The following IQCM variants were observed in gnomAD, a reference collection of about 807,000 sequenced individuals.
The protein encoded by IQCM is IQ domain-containing protein M.
A neutral mutation model predicts 57.6 loss-of-function variants in IQCM; 45 were observed. The observed-to-expected ratio is 0.78, with a 90% CI of 0.62 to 1.00. The LOEUF (loss-of-function observed/expected upper bound fraction) is 1.00, where lower values mean the gene tolerates loss of function less well. IQCM is among the 50% of genes least tolerant of loss of function. The pLI, the probability that IQCM is intolerant of heterozygous loss-of-function variation, is 0.00. For missense variants in IQCM, 468 were observed against 511.6 expected (o/e 0.91, Z 0.82); for synonymous variants, 148 against 158.9 (o/e 0.93, Z 0.51).
At chr4:149,454,654 C>G (rs1737491054) in intron 12 of IQCM, among the ~76,000 whole-genome samples, 1 of 151,990 alleles carries the variant, frequency 6.6e-6, no homozygotes, top group South Asian at 2.1e-4. Flanking sequence ...CATCCATACA[C>G]TGGAATATTA....
chr4:149,376,669 C>G (rs1730718801), intron 13 of IQCM, among the ~76,000 whole-genome samples: 1 of 152,074 alleles, frequency 6.6e-6, no homozygotes, highest in Non-Finnish European at 1.5e-5. Context: ...TTTTATGACT[C>G]TAACATGAAA....
intron 5 of IQCM, among the ~76,000 whole-genome samples, chr4:149,713,566 T>A (rs1764740310): frequency 2.0e-5 from 3 of 152,182 alleles, no homozygotes. Flanking sequence ...GTATTTCATA[T>A]TTTCTCTCTT....
At chr4:149,644,547 T>C (rs141085651) in intron 7 of IQCM, among the ~76,000 whole-genome samples, 4 of 152,354 alleles carry the variant, frequency 2.6e-5, no homozygotes, top group African/African-American at 9.6e-5. Flanking sequence ...TTATCTTGAA[T>C]GCATTTTCCG....
intron 8 of IQCM, among the ~76,000 whole-genome samples, chr4:149,605,368 G>A (rs1754684807): frequency 6.6e-6 from 1 of 152,150 alleles, no homozygotes; most frequent in Admixed American, 6.5e-5. Flanking sequence ...TTATGTGGGT[G>A]GGACTGTGAT....
intron 13 of IQCM, among the ~76,000 whole-genome samples, chr4:149,385,045 G>A (rs1355358504): frequency 6.6e-6 from 1 of 152,022 alleles, no homozygotes; most frequent in Middle Eastern, 3.2e-3. Flanking sequence ...ATGAGGTGGG[G>A]GAGAGTTGAG....
chr4:149,698,212 T>G (rs12511533), intron 5 of IQCM, among the ~76,000 whole-genome samples: 1 of 152,144 alleles, frequency 6.6e-6, no homozygotes, highest in African/African-American at 2.4e-5. Flanking sequence ...TAGCCATGTG[T>G]TAGGGACCAT....
intron 8 of IQCM, among the ~76,000 whole-genome samples, chr4:149,620,538 CT>C (rs1366888515): frequency 6.6e-6 from 1 of 152,186 alleles, no homozygotes; most frequent in Non-Finnish European, 1.5e-5. Flanking sequence ...ATTACGTGGC[CT>C]TTTAAGAAAT....
At chr4:149,509,978 T>G (rs1744232715) in intron 12 of IQCM, among the ~76,000 whole-genome samples, 1 of 152,174 alleles carries the variant, frequency 6.6e-6, no homozygotes, top group African/African-American at 2.4e-5. Context: ...ATGCTAACTT[T>G]TACTTTTATG....
intron 12 of IQCM, among the ~76,000 whole-genome samples, chr4:149,486,027 CT>C (rs1741454869): frequency 1.5e-5 from 2 of 132,032 alleles, no homozygotes; most frequent in African/African-American, 7.9e-5. Flanking sequence ...GTCTCTCTCT[CT>C]CTCTCTCTCT....
intron 13 of IQCM, among the ~76,000 whole-genome samples, chr4:149,386,009 T>G (rs577646476): frequency 1.3e-5 from 2 of 152,112 alleles, no homozygotes; most frequent in Admixed American, 1.3e-4. Context: ...GTCAGCTCTT[T>G]AATGTGATTT....
intron 2 of IQCM, among the ~76,000 whole-genome samples, chr4:149,794,637 A>G (rs1044131897): frequency 6.6e-6 from 1 of 152,204 alleles, no homozygotes; most frequent in Non-Finnish European, 1.5e-5. Flanking sequence ...GTGCATTCAT[A>G]TAATAATAAA....
intron 12 of IQCM, among the ~76,000 whole-genome samples, chr4:149,524,007 T>A (rs1745917597): frequency 6.6e-6 from 1 of 152,122 alleles, no homozygotes; most frequent in Non-Finnish European, 1.5e-5. Flanking sequence ...ATATATCAAA[T>A]GTCCATCAAC....
At chr4:149,387,827 T>A (rs1214958538) in intron 13 of IQCM, among the ~76,000 whole-genome samples, 2 of 151,918 alleles carry the variant, frequency 1.3e-5, no homozygotes, top group Admixed American at 1.3e-4. Flanking sequence ...GCCCACCCAT[T>A]AACAGTCACC....
rs187766785 is a variant in IQCM, at chr4:149,520,510, C to G, written c.1228+27945G>C. On this transcript the variant is annotated intron_variant, in intron 12 of 13. Transcript: ENST00000636793. ...CCTTATCAACAACACAATACTGCCT[C>G]CTTGGCAGAAAGCTAGCAGTGCTGA... is the stretch of plus-strand genomic sequence containing the variant. 5.3e-5 allele frequency among the ~76,000 whole-genome samples: 8 copies of G among 152,226 alleles called. No individual in the cohort carries two copies. In the East Asian group the frequency reaches 1.4e-3, roughly 26 times the overall value.
intron 8 of IQCM, among the ~76,000 whole-genome samples, chr4:149,592,540 T>C (rs1215015683): frequency 3.3e-5 from 5 of 152,004 alleles, no homozygotes; most frequent in Admixed American, 2.0e-4. Flanking sequence ...CCCATGCCTA[T>C]GTCCTGAATG....
At chr4:149,390,063 C>T (rs1731738173) in intron 13 of IQCM, among the ~76,000 whole-genome samples, 1 of 151,934 alleles carries the variant, frequency 6.6e-6, no homozygotes, top group African/African-American at 2.4e-5. Context: ...GGAGAGACCA[C>T]CATCTTGGTG....
chr4:149,481,594 C>G (rs941029042), intron 12 of IQCM, among the ~76,000 whole-genome samples: 55 of 148,964 alleles, frequency 3.7e-4, no homozygotes, highest in African/African-American at 1.3e-3. Context: ...GTTTTCAATT[C>G]TGTTCCATTG....
chr4:149,596,332 T>C (rs1000356862), intron 8 of IQCM, among the ~76,000 whole-genome samples: 1 of 152,170 alleles, frequency 6.6e-6, no homozygotes, highest in African/African-American at 2.4e-5. Context: ...GCTGAGCTGA[T>C]GGGAAAGTAA....
At position 149,693,997 on chromosome 4, in the gene IQCM, C is replaced by A. The variant is rs141051714; in HGVS notation, c.386-7529G>T. 2.1e-4 allele frequency among the ~76,000 whole-genome samples: 32 copies of A among 152,280 alleles called. No individual in the cohort carries two copies. The East Asian group carries it at 6.2e-3, about 29-fold the overall frequency. On this transcript the variant is annotated intron_variant, in intron 5 of 13. Coordinates refer to ENST00000636793, the MANE Select transcript of IQCM (RefSeq NM_001363507.2). ...GTTTGGTTGGCCCACCATCCCTTTA[C>A]TAATCTGTAAACTCTCTGATCATGT...
Sources: gnomAD v4.1 joint callset for allele counts (sites outside exome capture counted in the v4.1 genomes callset) on GRCh38, gnomAD v4.1.1 for gene constraint, MANE v1.5 for transcripts, NCBI Gene and HGNC (gene_info 2026-07-23, HGNC 2026-07-21) for gene names.